Variants in DCUN1D3 observed in about 807,000 individuals in gnomAD.
DCUN1D3 encodes the protein DCN1-like protein 3.
A neutral mutation model predicts 24.8 loss-of-function variants in DCUN1D3; 6 were observed. The ratio of observed to expected loss-of-function variants is 0.24; its 90% CI spans 0.13 to 0.48. The LOEUF (loss-of-function observed/expected upper bound fraction) is 0.48, where lower values mean the gene tolerates loss of function less well. DCUN1D3 is among the 20% of genes least tolerant of loss of function. The probability of loss-of-function intolerance (pLI) is 0.99; values close to 1 mark genes in which losing one functional copy is unlikely to be tolerated. For synonymous variants in DCUN1D3, 120 were observed against 144.9 expected, an observed-to-expected ratio of 0.83 and a Z score of 1.24; for missense variants, 258 against 379.4, an observed-to-expected ratio of 0.68 and a Z score of 2.66.
chr16:20,893,692 G>A (rs796272087), intron 1 of DCUN1D3, among the ~76,000 whole-genome samples: 13 of 152,280 alleles, frequency 8.5e-5, no homozygotes, highest in African/African-American at 2.9e-4. Flanking sequence ...CAACAATGGC[G>A]GAGAGGGCTC....
At chr16:20,889,711 A>T (rs2152518766) in intron 1 of DCUN1D3, among the ~76,000 whole-genome samples, 1 of 152,352 alleles carries the variant, frequency 6.6e-6, no homozygotes, top group South Asian at 2.1e-4. Context: ...TTCCTGCCAG[A>T]GATCCTAAAA....
At chr16:20,871,551 A>G (rs2081788309) in intron 1 of DCUN1D3, among the ~76,000 whole-genome samples, 1 of 152,200 alleles carries the variant, frequency 6.6e-6, no homozygotes. Context: ...CTAAGAATAT[A>G]TGTCCAGTTG....
At chr16:20,883,663 G>T (rs920470815) in intron 1 of DCUN1D3, among the ~76,000 whole-genome samples, 1 of 152,156 alleles carries the variant, frequency 6.6e-6, no homozygotes, top group African/African-American at 2.4e-5. Context: ...TAGCAAATAT[G>T]CAAATCAGAA....
rs558788997 is a variant in DCUN1D3, at chr16:20,898,536, T to C, written c.-106+1668A>G. ...AATGGCAAACTAGGTTCTAAATCAG[T>C]TAAAGTGAGAACAGTAGTCATTCTT... On this transcript the variant is annotated intron_variant, in intron 1 of 2. Transcript: ENST00000324344. 2.0e-5 allele frequency among the ~76,000 whole-genome samples: 3 copies of C among 152,320 alleles called. No individual in the cohort carries two copies. In the South Asian group the frequency reaches 6.2e-4, roughly 32 times the overall value.
intron 1 of DCUN1D3, among the ~76,000 whole-genome samples, chr16:20,872,099 T>C (rs532117650): frequency 2.0e-5 from 3 of 152,316 alleles, no homozygotes; most frequent in South Asian, 2.1e-4. Flanking sequence ...AGTCAGCATA[T>C]GGTTATCAGC....
chr16:20,860,331 T>C lies in DCUN1D3; in HGVS notation c.470A>G (p.Asp157Gly). 1 of 1,613,956 alleles carries C rather than the reference T, an allele frequency of 6.2e-7. No homozygotes were observed. The highest frequency in any genetic ancestry group is 8.5e-7 in the Non-Finnish European group (1 of 1,179,878). Residue 157 changes from aspartate to glycine, a missense_variant, in exon 3 of 3, where the codon GAC (aspartate) becomes GGC (glycine). Physicochemically the swap from Asp to Gly is moderately conservative, Grantham distance 94. Coordinates refer to ENST00000324344, the MANE Select transcript of DCUN1D3 (RefSeq NM_173475.4). This position sits in a 1 kb window ranked among gnomAD's most constrained non-coding sequence, Gnocchi z 4.3. Reference protein sequence around the residue: ...FFDGCKAISADSIDGICARFP... With the variant: ...FFDGCKAISAGSIDGICARFP... The stretch of plus-strand genomic sequence containing the variant: ...CCGTGCACAGATTCCGTCAATGCTG[T>C]CTGCACTTATTGCTTTGCAGCCATC...
At chr16:20,871,804 T>A (rs748193914) in intron 1 of DCUN1D3, among the ~76,000 whole-genome samples, 4 of 152,238 alleles carry the variant, frequency 2.6e-5, no homozygotes, top group Non-Finnish European at 5.9e-5. Flanking sequence ...ACTATTGATC[T>A]GGGCATTTCT....
chr16:20,899,591 G>C (rs1306310108), intron 1 of DCUN1D3, among the ~76,000 whole-genome samples: 2 of 152,108 alleles, frequency 1.3e-5, no homozygotes, highest in Non-Finnish European at 2.9e-5. Flanking sequence ...TGGAAACCAG[G>C]GGTGTGCATG....
At chr16:20,878,535 G>T (rs2081827443) in intron 1 of DCUN1D3, among the ~76,000 whole-genome samples, 1 of 152,214 alleles carries the variant, frequency 6.6e-6, no homozygotes, top group South Asian at 2.1e-4. Flanking sequence ...CCAGTGAAAA[G>T]CCTCAGGCTG....
chr16:20,867,439 C>T (rs916208310), intron 1 of DCUN1D3, among the ~76,000 whole-genome samples: 1 of 152,174 alleles, frequency 6.6e-6, no homozygotes, highest in Non-Finnish European at 1.5e-5. Context: ...GACGTGGAAA[C>T]GAGAATTAGT....
At chr16:20,880,604 C>CAAAAAAAAAAAAAA (rs34275241) in intron 1 of DCUN1D3, among the ~76,000 whole-genome samples, 1 of 51,942 alleles carries the variant, frequency 1.9e-5, no homozygotes, top group Admixed American at 3.3e-4. Flanking sequence ...GACCCTGTCT[C>CAAAAAAAAAAAAAA]AAAAAAAAAA....
In DCUN1D3 at chr16:20,892,659, T is replaced by C. The variant is rs147852163; in HGVS notation, c.-106+7545A>G. Reference sequence around the variant, plus strand: ...AAATTCCAGGGCAGGTCACAGGAAATGGAAGTCTGGTTTAGCATTTTGCAC... The same window carrying C: ...AAATTCCAGGGCAGGTCACAGGAAACGGAAGTCTGGTTTAGCATTTTGCAC... On this transcript the variant is annotated intron_variant, in intron 1 of 2. Transcript: ENST00000324344. Among the ~76,000 whole-genome samples, 230 of 152,164 alleles carry C rather than the reference T, an allele frequency of 1.5e-3. 1 individual carries two copies. Among genetic ancestry groups the C allele is most frequent in the African/African-American group, 5.3e-3 (222 of 41,504 alleles).
At chr16:20,878,580 TA>T (rs751595009) in intron 1 of DCUN1D3, among the ~76,000 whole-genome samples, 8 of 152,132 alleles carry the variant, frequency 5.3e-5, no homozygotes, top group Non-Finnish European at 8.8e-5. Flanking sequence ...CCTCAACAAA[TA>T]AAGGCATCAT....
At chr16:20,867,866 G>A (rs1486270472) in intron 1 of DCUN1D3, among the ~76,000 whole-genome samples, 1 of 152,174 alleles carries the variant, frequency 6.6e-6, no homozygotes, top group Non-Finnish European at 1.5e-5. Flanking sequence ...CCACAGCACT[G>A]ATCCTACTCA....
At chr16:20,893,259 A>T (rs759481742) in intron 1 of DCUN1D3, among the ~76,000 whole-genome samples, 8 of 151,560 alleles carry the variant, frequency 5.3e-5, no homozygotes, top group Non-Finnish European at 1.0e-4. Context: ...CTGCAGCCTG[A>T]CCTTCTGGGC....
intron 1 of DCUN1D3, among the ~76,000 whole-genome samples, chr16:20,865,076 C>A (rs1321582413): frequency 6.6e-6 from 1 of 151,436 alleles, no homozygotes; most frequent in Middle Eastern, 3.2e-3. Flanking sequence ...ATAATATGTA[C>A]AACAAACCCC....
chr16:20,893,303 G>A (rs1465540298), intron 1 of DCUN1D3, among the ~76,000 whole-genome samples: 1 of 151,954 alleles, frequency 6.6e-6, no homozygotes, highest in Non-Finnish European at 1.5e-5. Flanking sequence ...CTCCCAAGCA[G>A]GTGACACTAC....
At chr16:20,879,650 C>T (rs928823402) in intron 1 of DCUN1D3, among the ~76,000 whole-genome samples, 1 of 152,176 alleles carries the variant, frequency 6.6e-6, no homozygotes, top group African/African-American at 2.4e-5. Context: ...TTAGGAGAAT[C>T]GCTCTGGTGG....
rs1051922896 is a variant in DCUN1D3, at chr16:20,862,632, G to A, written c.-94C>T. ...TACCTCAACATGCCATCAGCCAGAG[G>A]AGCCAGCCAACCTGGAAGGAAATTA... On this transcript the variant is annotated 5_prime_UTR_variant, in exon 2 of 3. Coordinates refer to ENST00000324344, the MANE Select transcript of DCUN1D3 (RefSeq NM_173475.4). The A allele has an allele frequency of 1.2e-5, 18 of 1,518,696 alleles. No homozygotes were observed. Among genetic ancestry groups the A allele is most frequent in the South Asian group, 2.6e-5 (2 of 75,838 alleles). 94.1% of individuals were successfully genotyped at this position (1,518,696 alleles called of 1,614,324 possible).
Sources: allele counts gnomAD v4.1 joint callset (sites outside exome capture counted in the v4.1 genomes callset), GRCh38; gene constraint gnomAD v4.1.1; non-coding constraint Gnocchi (gnomAD v3.1); transcripts MANE v1.5; gene names NCBI Gene and HGNC (gene_info 2026-07-23, HGNC 2026-07-21).